RBPMS: variants seen among roughly 807,000 people sequenced by gnomAD.
The protein encoded by RBPMS is RNA-binding protein with multiple splicing.
A neutral mutation model predicts 26.8 loss-of-function variants in RBPMS; 7 were observed. The ratio of observed to expected loss-of-function variants is 0.26; its 90% CI spans 0.15 to 0.49. RBPMS has a LOEUF of 0.49. Among genes scored for constraint, RBPMS ranks in the 20% least tolerant of loss-of-function variants. RBPMS has a pLI of 0.98. For missense variants in RBPMS, 186 were observed against 250.0 expected (o/e 0.74, Z 1.73); for synonymous variants, 96 against 93.3 (o/e 1.03, Z -0.17).
chr8:30,566,391 C>CA lies in RBPMS; in HGVS notation c.*111+32dup, dbSNP rs1441121862. The CA allele has an allele frequency of 7.7e-6, 6 of 783,804 alleles. No individual in the cohort carries two copies. The African/African-American group carries it at 1.1e-4, about 15-fold the overall frequency. The allele number at this position is 783,804 out of a possible 1,614,324, so 48.6% of individuals were successfully genotyped here. On this transcript the variant is annotated intron_variant, in intron 8 of 8. Coordinates refer to ENST00000397323, the MANE Select transcript of RBPMS (RefSeq NM_001008710.3). ...TAACAGTCAGGGCTGAACAAGCCCTCAGGGGCGGCATGGCGAACACGTGGG... is the reference window on the plus strand; with the variant it reads ...TAACAGTCAGGGCTGAACAAGCCCTCAAGGGGCGGCATGGCGAACACGTGGG...
chr8:30,385,473 G>A (rs1806931663), intron 1 of RBPMS: 1 of 257,906 alleles, frequency 3.9e-6, no homozygotes, highest in Non-Finnish European at 7.3e-6. Flanking sequence ...AGATAATCGG[G>A]ACTCGGAGGG....
At chr8:30,540,228 C>T (rs185175837) in intron 5 of RBPMS, among the ~76,000 whole-genome samples, 217 of 152,140 alleles carry the variant, frequency 1.4e-3, no homozygotes, top group Admixed American at 3.6e-3. Flanking sequence ...GCAGAGGGAG[C>T]AGTGTGTGGG....
intron 1 of RBPMS, among the ~76,000 whole-genome samples, chr8:30,436,914 G>A (rs1167485182): frequency 6.7e-6 from 1 of 149,882 alleles, no homozygotes; most frequent in Non-Finnish European, 1.5e-5. Flanking sequence ...CCCTTGTCGT[G>A]ATATATGTAG....
chr8:30,532,380 T>C (rs1320321240), intron 5 of RBPMS, among the ~76,000 whole-genome samples: 1 of 152,206 alleles, frequency 6.6e-6, no homozygotes, highest in Non-Finnish European at 1.5e-5. Context: ...TTGTATTCCT[T>C]ACCTTTTTTC....
chr8:30,464,171 G>T (rs1254266655), intron 1 of RBPMS, among the ~76,000 whole-genome samples: 1 of 152,026 alleles, frequency 6.6e-6, no homozygotes, highest in African/African-American at 2.4e-5. Flanking sequence ...TCATATTTAC[G>T]TGTTCATATC....
At chr8:30,466,916 A>G (rs1816568360) in intron 1 of RBPMS, among the ~76,000 whole-genome samples, 1 of 152,118 alleles carries the variant, frequency 6.6e-6, no homozygotes, top group African/African-American at 2.4e-5. Context: ...TCTAAATCCT[A>G]TGGTTAGTCA....
intron 1 of RBPMS, among the ~76,000 whole-genome samples, chr8:30,452,141 A>G (rs913167389): frequency 1.3e-5 from 2 of 152,208 alleles, no homozygotes; most frequent in African/African-American, 4.8e-5. Flanking sequence ...TTCTAAGGCC[A>G]AACAGGTTGT....
intron 1 of RBPMS, among the ~76,000 whole-genome samples, chr8:30,441,804 CTTTA>C (rs1189100633): frequency 3.3e-5 from 5 of 152,250 alleles, no homozygotes; most frequent in African/African-American, 9.6e-5. Context: ...TCAGAAATAA[CTTTA>C]TTTTTCTTTT....
intron 6 of RBPMS, chr8:30,558,624 G>A (rs1461873343): frequency 1.8e-5 from 10 of 570,120 alleles, no homozygotes; most frequent in South Asian, 4.0e-5. Context: ...GATGAGAGCA[G>A]AGGAGTTGGT....
chr8:30,390,818 C>T (rs1185143562), intron 1 of RBPMS, among the ~76,000 whole-genome samples: 45 of 152,268 alleles, frequency 3.0e-4, no homozygotes. Flanking sequence ...ACCCCAGCAC[C>T]AGGTAAATCT....
intron 5 of RBPMS, among the ~76,000 whole-genome samples, chr8:30,539,692 C>T (rs1001226367): frequency 1.3e-5 from 2 of 149,348 alleles, no homozygotes; most frequent in African/African-American, 5.0e-5. Flanking sequence ...GTGGTGTGAT[C>T]TTGGCTCACT....
chr8:30,427,813 GC>G (rs1811519224), intron 1 of RBPMS, among the ~76,000 whole-genome samples: 1 of 152,070 alleles, frequency 6.6e-6, no homozygotes, highest in Non-Finnish European at 1.5e-5. Context: ...ATCTCTTTGT[GC>G]CTCTGTTTCC....
At chr8:30,413,628 CTTT>C (rs1563295118) in intron 1 of RBPMS, among the ~76,000 whole-genome samples, 1 of 151,630 alleles carries the variant, frequency 6.6e-6, no homozygotes, top group Non-Finnish European at 1.5e-5. Context: ...TTTCTTTTTT[CTTT>C]TTTAAGAGTC....
intron 4 of RBPMS, among the ~76,000 whole-genome samples, chr8:30,495,827 G>A (rs1303500826): frequency 6.6e-6 from 1 of 151,590 alleles, no homozygotes; most frequent in Non-Finnish European, 1.5e-5. Flanking sequence ...TCATCACAAT[G>A]CAAACTGAAC....
chr8:30,477,839 TA>T lies in RBPMS; in HGVS notation c.183+4del. 1 of 1,600,590 alleles carries T rather than the reference TA, an allele frequency of 6.2e-7. No homozygotes were observed. The highest frequency in any genetic ancestry group is 8.6e-7 in the Non-Finnish European group (1 of 1,168,240). ...CTTATAAAGCTCACATCTAAACAGG[TA>T]AGAATTTCAAAGTGGCATATAAAGA... On this transcript the variant is annotated splice_donor_region_variant and intron_variant, in intron 3 of 8. Transcript: ENST00000397323.
At position 30,571,034 on chromosome 8, in the gene RBPMS, C is replaced by T. The variant is rs1828231651; in HGVS notation, c.*509C>T. 6.6e-6 allele frequency: 1 copy of T among 152,066 alleles called. No individual in the cohort carries two copies. The highest frequency in any genetic ancestry group is 6.5e-5 in the Admixed American group (1 of 15,272). The allele number at this position is 152,066 out of a possible 1,614,324, so 9.4% of individuals were successfully genotyped here. A position where few individuals can be genotyped will look rare whatever the true frequency, so the allele number is the denominator to read the frequency against. ...TTTGAGGCATGTTTCCAAATATTATCAAAATATCCTGAATTGTATTGTGAA... is the reference window on the plus strand; with the variant it reads ...TTTGAGGCATGTTTCCAAATATTATTAAAATATCCTGAATTGTATTGTGAA... On this transcript the variant is annotated 3_prime_UTR_variant, in exon 9 of 9. Transcript: ENST00000397323.
intron 5 of RBPMS, among the ~76,000 whole-genome samples, chr8:30,521,405 C>T (rs116875630): frequency 1.3e-5 from 2 of 152,218 alleles, no homozygotes; most frequent in Non-Finnish European, 2.9e-5. Flanking sequence ...CCCAAAAGGA[C>T]GGGACACACT....
chr8:30,544,899 A>G (rs1443635507), intron 6 of RBPMS: 1 of 1,484,268 alleles, frequency 6.7e-7, no homozygotes, highest in Non-Finnish European at 8.9e-7. Context: ...AGACCGGGGC[A>G]GGTTTATCCA....
At chr8:30,548,827 A>AT (rs1371025646) in intron 6 of RBPMS, among the ~76,000 whole-genome samples, 1 of 152,196 alleles carries the variant, frequency 6.6e-6, no homozygotes, top group Non-Finnish European at 1.5e-5. Flanking sequence ...TGAAAACTAG[A>AT]TTTAAAAAAA....
Sources: allele counts gnomAD v4.1 joint callset (sites outside exome capture counted in the v4.1 genomes callset), GRCh38; gene constraint gnomAD v4.1.1; transcripts MANE v1.5; gene names NCBI Gene and HGNC (gene_info 2026-07-23, HGNC 2026-07-21).